SGCB: variants seen among roughly 807,000 people sequenced by gnomAD.
SGCB encodes the protein sarcoglycan beta.
A neutral mutation model predicts 27.3 loss-of-function variants in SGCB; 25 were observed. The observed-to-expected ratio is 0.92, with a 90% CI of 0.67 to 1.28. The LOEUF (loss-of-function observed/expected upper bound fraction) is 1.28. SGCB is among the 50% of genes most tolerant of loss of function. The pLI, the probability that SGCB is intolerant of heterozygous loss-of-function variation, is 0.00. For missense variants in SGCB, 436 were observed against 402.1 expected (o/e 1.08, Z -0.72); for synonymous variants, 147 against 133.5 (o/e 1.10, Z -0.70).
chr4:52,035,426 G>T (rs1578128819), intron 1 of SGCB, among the ~76,000 whole-genome samples: 2 of 152,324 alleles, frequency 1.3e-5, no homozygotes, highest in African/African-American at 4.8e-5. Context: ...ACCTGGAGTT[G>T]TTAGGGAAAT....
At chr4:52,037,400 AT>A (rs1337999337) in intron 1 of SGCB, among the ~76,000 whole-genome samples, 7 of 152,148 alleles carry the variant, frequency 4.6e-5, no homozygotes, top group Non-Finnish European at 7.4e-5. Context: ...AACTTGACTC[AT>A]TTTTTTCAAC....
intron 1 of SGCB, among the ~76,000 whole-genome samples, chr4:52,037,485 GAA>G (rs1388427911): frequency 6.6e-6 from 1 of 152,134 alleles, no homozygotes; most frequent in African/African-American, 2.4e-5. Flanking sequence ...AGGTAAGGGG[GAA>G]AGTTACTGAA....
chr4:52,038,094 C>CCCAG (rs1737446238), intron 1 of SGCB, 133 bp downstream of exon 1: 6 of 449,856 alleles, frequency 1.3e-5, no homozygotes, highest in African/African-American at 2.1e-5. Flanking sequence ...CGCCCCGCCC[C>CCCAG]GATCGGCCCC....
chr4:52,032,227 C>A (rs2109374648), intron 2 of SGCB, among the ~76,000 whole-genome samples: 1 of 152,190 alleles, frequency 6.6e-6, no homozygotes, highest in African/African-American at 2.4e-5. Flanking sequence ...GTTTTCAGTT[C>A]TTGCCTCACT....
intron 1 of SGCB, among the ~76,000 whole-genome samples, chr4:52,037,428 A>T (rs1409984027): frequency 2.0e-5 from 3 of 152,208 alleles, no homozygotes; most frequent in African/African-American, 4.8e-5. Flanking sequence ...TTAGAATGAG[A>T]CTTTTTAAAG....
At chr4:52,033,338 T>C in intron 2 of SGCB, 93 bp downstream of exon 2, 2 of 801,232 alleles carry the variant, frequency 2.5e-6, no homozygotes, top group Middle Eastern at 2.3e-4. Context: ...AAGACATGTA[T>C]AGAAAAGGAG....
chr4:52,025,634 G>A (rs1214892549), intron 5 of SGCB, among the ~76,000 whole-genome samples: 1 of 152,212 alleles, frequency 6.6e-6, no homozygotes, highest in Non-Finnish European at 1.5e-5. Context: ...AGCATTTGGA[G>A]GATTCTGAAT....
At chr4:52,028,122 C>G (rs374046008) in intron 4 of SGCB, 23 bp from the exon 5 acceptor site, 6 of 1,573,470 alleles carry the variant, frequency 3.8e-6, no homozygotes, top group Non-Finnish European at 5.2e-6. Context: ...AAAACAAGTA[C>G]TAAAAAGAGT....
At chr4:52,028,568 G>A (rs544171351) in intron 4 of SGCB, among the ~76,000 whole-genome samples, 162 bp downstream of exon 4, 128 of 152,056 alleles carry the variant, frequency 8.4e-4, no homozygotes, top group Non-Finnish European at 1.5e-3. Context: ...TCCGGGAGGC[G>A]GAGCTTGCAG....
At chr4:52,026,361 C>T (rs908447129) in intron 5 of SGCB, among the ~76,000 whole-genome samples, 1 of 144,910 alleles carries the variant, frequency 6.9e-6, no homozygotes, top group African/African-American at 2.6e-5. Flanking sequence ...TGGTTTCAAG[C>T]GATTCTCCTG....
intron 5 of SGCB, among the ~76,000 whole-genome samples, chr4:52,026,481 A>G (rs1242483278): frequency 6.6e-6 from 1 of 151,860 alleles, no homozygotes; most frequent in African/African-American, 2.4e-5. Context: ...CTGGTCTCGA[A>G]TTCCTGACCT....
At chr4:52,028,619 G>A in intron 4 of SGCB, 111 bp downstream of exon 4, 1 of 834,476 alleles carries the variant, frequency 1.2e-6, no homozygotes, top group Non-Finnish European at 2.0e-6. Flanking sequence ...CTGGGCGACA[G>A]AGCGAAACTC....
chr4:52,030,072 G>C (rs1452348309), intron 2 of SGCB, among the ~76,000 whole-genome samples: 1 of 152,058 alleles, frequency 6.6e-6, no homozygotes. Context: ...GTCAAAATGT[G>C]CTAAAGGTCT....
chr4:52,038,076 T>TCCCGC (rs963264476), intron 1 of SGCB, 151 bp downstream of exon 1: 15 of 173,804 alleles, frequency 8.6e-5, no homozygotes, highest in East Asian at 2.0e-4. Flanking sequence ...GCACAGCTCC[T>TCCCGC]CCCGCCCCGC....
rs186149099 is a variant in SGCB at position 52,023,183 on chromosome 4, G to A, written c.*774C>T. 93 of 152,226 alleles carry A rather than the reference G, an allele frequency of 6.1e-4. No individual in the cohort carries two copies. The highest frequency in any genetic ancestry group is 2.1e-3 in the African/African-American group (89 of 41,530). 9.4% of individuals were successfully genotyped at this position (152,226 alleles called of 1,614,324 possible). The stretch of plus-strand genomic sequence containing the variant: ...TCTCTGATCTTCAGTTTCTTAATGG[G>A]TAAAACTTGGATAATACCACCTACT... On this transcript the variant is annotated 3_prime_UTR_variant, in exon 6 of 6. Coordinates refer to ENST00000381431, the MANE Select transcript of SGCB (RefSeq NM_000232.5).
chr4:52,024,121 T>C lies in SGCB; in HGVS notation c.793A>G (p.Thr265Ala), dbSNP rs1375874563. The change falls in exon 6 of 6, where the codon ACC (threonine) becomes GCC (alanine). Residue 265 changes from threonine (T) to alanine (A), a missense_variant. Thr to Ala is a moderately conservative substitution (Grantham distance 58). Coordinates refer to ENST00000381431, the MANE Select transcript of SGCB (RefSeq NM_000232.5). Reference sequence around the variant, plus strand: ...CTGGAGGAACTGGGTAGGCGGGTGGTGCTGACCATCACAGATCCATTTAGG... The same window carrying C: ...CTGGAGGAACTGGGTAGGCGGGTGGCGCTGACCATCACAGATCCATTTAGG... ...IILNGSVMVSTTRLPSSSSGD... is the reference protein window; with the variant it reads ...IILNGSVMVSATRLPSSSSGD... 6.2e-7 allele frequency: 1 copy of C among 1,614,142 alleles called. No individual in the cohort carries two copies.
chr4:52,036,000 G>A (rs78840928), intron 1 of SGCB, among the ~76,000 whole-genome samples: 2,119 of 152,288 alleles, frequency 0.014, 22 homozygotes, highest in Non-Finnish European at 0.02. Flanking sequence ...CAAGCTACCA[G>A]GATGAACATA....
rs67975991 is a variant in SGCB, at chr4:52,031,488, A to ATT, written c.244-1627_244-1626dup. The stretch of plus-strand genomic sequence containing the variant: ...TATGAGTTCTTAATTGTTCCTTTTA[A>ATT]TTTTTTTTTTTTTTGGTAGAGACAG... On this transcript the variant is annotated intron_variant, in intron 2 of 5. Transcript: ENST00000381431. 6.3e-4 allele frequency among the ~76,000 whole-genome samples: 82 copies of ATT among 129,414 alleles called. 1 individual carries two copies. Among genetic ancestry groups the ATT allele is most frequent in the South Asian group, 3.9e-3 (16 of 4,104 alleles). 84.9% of individuals were successfully genotyped at this position (129,414 alleles called of 152,430 possible). A position where few individuals can be genotyped will look rare whatever the true frequency, so the allele number is the denominator to read the frequency against.
At chr4:52,033,346 G>A (rs1737298674) in intron 2 of SGCB, 85 bp downstream of exon 2, 1 of 849,752 alleles carries the variant, frequency 1.2e-6, no homozygotes, top group Admixed American at 1.9e-5. Flanking sequence ...TATAGAAAAG[G>A]AGAAAATAAA....
Sources: gnomAD v4.1 joint callset for allele counts (sites outside exome capture counted in the v4.1 genomes callset) on GRCh38, gnomAD v4.1.1 for gene constraint, MANE v1.5 for transcripts, NCBI Gene and HGNC (gene_info 2026-07-23, HGNC 2026-07-21) for gene names.